ARHGEF3: variants seen among roughly 807,000 people sequenced by gnomAD.
The protein encoded by ARHGEF3 is Rho guanine nucleotide exchange factor 3, also known as 59.8 kDA protein.
In ARHGEF3, 28 loss-of-function variants were observed where a neutral mutation model predicts 63.2. The observed-to-expected ratio is 0.44, with a 90% CI of 0.33 to 0.61. ARHGEF3 has a LOEUF of 0.61. Ranked by LOEUF, ARHGEF3 falls within the 20% of genes least tolerant of loss-of-function variation. The pLI, the probability that ARHGEF3 is intolerant of heterozygous loss-of-function variation, is 0.03. For missense variants in ARHGEF3, 533 were observed against 659.3 expected, an observed-to-expected ratio of 0.81 and a Z score of 2.10; for synonymous variants, 266 against 254.2, an observed-to-expected ratio of 1.05 and a Z score of -0.44.
chr3:56,931,575 CAAAAAAAAAAAAAA>C (rs10596928), intron 3 of ARHGEF3, among the ~76,000 whole-genome samples: 8 of 58,936 alleles, frequency 1.4e-4, no homozygotes, highest in Non-Finnish European at 8.6e-5. Context: ...GATCCTGTCT[CAAAAAAAAAAAAAA>C]AAAAAAAAAA....
intron 4 of ARHGEF3, among the ~76,000 whole-genome samples, chr3:56,823,986 G>GAA (rs5849170): frequency 1.6e-5 from 2 of 126,382 alleles, no homozygotes; most frequent in East Asian, 2.3e-4. Context: ...TTGAGGAAAG[G>GAA]AAAAAAAAAA....
intron 3 of ARHGEF3, among the ~76,000 whole-genome samples, chr3:56,953,737 C>A (rs1265803552): frequency 6.6e-6 from 1 of 152,192 alleles, no homozygotes; most frequent in Non-Finnish European, 1.5e-5. Context: ...ATCCTGGAAG[C>A]AAATCTCTCT....
chr3:56,792,261 A>T (rs890233321), intron 1 of ARHGEF3, among the ~76,000 whole-genome samples: 1 of 152,244 alleles, frequency 6.6e-6, no homozygotes, highest in Non-Finnish European at 1.5e-5. Flanking sequence ...TCTACATCCC[A>T]TATGCACACA....
chr3:56,985,473 G>A (rs13074616), intron 2 of ARHGEF3, among the ~76,000 whole-genome samples: 35,607 of 152,252 alleles, frequency 0.23, 4,362 homozygotes, highest in Middle Eastern at 0.39. Context: ...GGGGCAGCCA[G>A]AATAGCATTG....
intron 4 of ARHGEF3, among the ~76,000 whole-genome samples, chr3:56,865,892 A>AT (rs1251264328): frequency 6.6e-6 from 1 of 152,124 alleles, no homozygotes; most frequent in Non-Finnish European, 1.5e-5. Context: ...AGGCTATGGT[A>AT]TTTTGTTATA....
At chr3:57,008,661 G>A (rs1340896665) in intron 2 of ARHGEF3, among the ~76,000 whole-genome samples, 2 of 151,912 alleles carry the variant, frequency 1.3e-5, no homozygotes, top group Non-Finnish European at 2.9e-5. Flanking sequence ...TAGTAGAGAC[G>A]GGGTTTCTCC....
intron 3 of ARHGEF3, among the ~76,000 whole-genome samples, chr3:56,945,835 G>C (rs971421860): frequency 5.3e-5 from 8 of 152,212 alleles, no homozygotes; most frequent in Admixed American, 3.9e-4. Flanking sequence ...GCCTCCTCAA[G>C]TGGGTCCCTG....
intron 1 of ARHGEF3, among the ~76,000 whole-genome samples, chr3:57,049,617 A>C (rs1215644485): frequency 6.6e-6 from 1 of 152,230 alleles, no homozygotes; most frequent in Admixed American, 6.5e-5. Context: ...TTGCTCAGAA[A>C]TGCAGATGTC....
intron 4 of ARHGEF3, among the ~76,000 whole-genome samples, chr3:56,842,966 A>G (rs1190761330): frequency 6.6e-6 from 1 of 152,244 alleles, no homozygotes; most frequent in East Asian, 1.9e-4. Context: ...TGTGTTCAAT[A>G]TTTTACTTAA....
chr3:56,767,316 C>T (rs1442820065), intron 2 of ARHGEF3, among the ~76,000 whole-genome samples: 3 of 151,908 alleles, frequency 2.0e-5, no homozygotes, highest in Non-Finnish European at 4.4e-5. Flanking sequence ...GGCGCGGTGG[C>T]TCACGCCTGT....
intron 3 of ARHGEF3, among the ~76,000 whole-genome samples, chr3:56,953,676 T>C (rs1227438100): frequency 6.6e-6 from 1 of 152,182 alleles, no homozygotes; most frequent in East Asian, 1.9e-4. Flanking sequence ...GGCATAGCTA[T>C]GTGACCCAAG....
At chr3:56,920,708 T>A (rs949315965) in intron 3 of ARHGEF3, among the ~76,000 whole-genome samples, 1 of 152,100 alleles carries the variant, frequency 6.6e-6, no homozygotes, top group African/African-American at 2.4e-5. Flanking sequence ...CATTTGATAC[T>A]TCAAATTTTA....
chr3:56,814,296 T>A (rs1176039375), intron 4 of ARHGEF3, among the ~76,000 whole-genome samples: 1 of 152,194 alleles, frequency 6.6e-6, no homozygotes, highest in African/African-American at 2.4e-5. Flanking sequence ...ATGAGACTTT[T>A]TTTTGCGATT....
At chr3:56,870,993 G>T (rs187743625) in intron 4 of ARHGEF3, among the ~76,000 whole-genome samples, 16 of 152,146 alleles carry the variant, frequency 1.1e-4, no homozygotes, top group African/African-American at 3.6e-4. Context: ...TCTTTAAAAA[G>T]CCATCACAAA....
Position 56,860,240 on chromosome 3 carries a change from C to T in ARHGEF3, c.192+22052G>A, listed in dbSNP as rs185498052. On this transcript the variant is annotated intron_variant, in intron 4 of 12. Coordinates refer to the ARHGEF3 transcript ENST00000338458. ...TCACCCAGGATGGAGTGTAGTGGTA[C>T]GATCATGGCTCACTGCAGCCTCAAA... 8.3e-4 allele frequency among the ~76,000 whole-genome samples: 126 copies of T among 152,026 alleles called. 1 individual carries two copies. Among genetic ancestry groups the T allele is most frequent in the Non-Finnish European group, 5.3e-4 (36 of 68,012 alleles).
At chr3:56,873,893 C>A (rs1484658277) in intron 4 of ARHGEF3, among the ~76,000 whole-genome samples, 5 of 152,104 alleles carry the variant, frequency 3.3e-5, no homozygotes, top group Admixed American at 6.5e-5. Flanking sequence ...TTAACAAGGG[C>A]CCCATCAAGG....
chr3:56,948,375 C>A (rs1231211619), intron 3 of ARHGEF3, among the ~76,000 whole-genome samples: 1 of 152,014 alleles, frequency 6.6e-6, no homozygotes, highest in African/African-American at 2.4e-5. Flanking sequence ...AATTGATAGA[C>A]CACTAGCAAG....
chr3:56,743,306 G>A (rs1160282165), intron 7 of ARHGEF3, among the ~76,000 whole-genome samples: 1 of 152,300 alleles, frequency 6.6e-6, no homozygotes, highest in South Asian at 2.1e-4. Context: ...TTCTGCACCA[G>A]TGAGGCTGGT....
intron 2 of ARHGEF3, among the ~76,000 whole-genome samples, chr3:56,985,086 T>C (rs1375959497): frequency 2.2e-5 from 2 of 89,170 alleles, no homozygotes; most frequent in African/African-American, 8.3e-5. Flanking sequence ...CAGAAACACA[T>C]GATTTGATTT....
Sources: allele counts gnomAD v4.1 joint callset (sites outside exome capture counted in the v4.1 genomes callset), GRCh38; gene constraint gnomAD v4.1.1; transcripts MANE v1.5; gene names NCBI Gene and HGNC (gene_info 2026-07-23, HGNC 2026-07-21).